Variants in DNAH11 observed in about 807,000 individuals in gnomAD.
DNAH11 encodes the protein dynein axonemal heavy chain 11.
In DNAH11, 442 loss-of-function variants were observed where a neutral mutation model predicts 526.0. The ratio of observed to expected loss-of-function variants is 0.84; its 90% CI spans 0.78 to 0.91. The LOEUF (loss-of-function observed/expected upper bound fraction) is 0.91, where lower values mean the gene tolerates loss of function less well. Ranked by LOEUF, DNAH11 falls within the 40% of genes least tolerant of loss-of-function variation. The pLI is 0.00. For missense variants in DNAH11, 6,989 were observed against 5,448.7 expected (o/e 1.28, Z -8.90); for synonymous variants, 2,461 against 1,935.9 (o/e 1.27, Z -7.12).
intron 65 of DNAH11, among the ~76,000 whole-genome samples, chr7:21,825,383 T>A (rs907330900): frequency 1.3e-5 from 2 of 152,236 alleles, no homozygotes; most frequent in African/African-American, 4.8e-5. Context: ...TTATGTTCTA[T>A]AGTGAGATAG....
chr7:21,716,729 C>A (rs570610836), intron 42 of DNAH11, among the ~76,000 whole-genome samples: 1 of 152,280 alleles, frequency 6.6e-6, no homozygotes, highest in South Asian at 2.1e-4. Flanking sequence ...CTGTCGCTAC[C>A]ACACAGGGAC....
At chr7:21,695,040 T>A (rs1233782684) in intron 35 of DNAH11, among the ~76,000 whole-genome samples, 1 of 152,134 alleles carries the variant, frequency 6.6e-6, no homozygotes, top group Non-Finnish European at 1.5e-5. Context: ...TTATAAGGGA[T>A]GTGAAGGACC....
At chr7:21,892,205 T>C (rs1440194567) in intron 76 of DNAH11, among the ~76,000 whole-genome samples, 1 of 152,086 alleles carries the variant, frequency 6.6e-6, no homozygotes, top group East Asian at 1.9e-4. Context: ...TGAGTCTTCT[T>C]AGGGATAGGA....
chr7:21,598,902 T>G (rs189092146), intron 14 of DNAH11, among the ~76,000 whole-genome samples: 1 of 152,290 alleles, frequency 6.6e-6, no homozygotes, highest in East Asian at 1.9e-4. Flanking sequence ...TCCATGTTCC[T>G]GCAAAGGACA....
At chr7:21,730,746 A>C (rs952276041) in intron 45 of DNAH11, among the ~76,000 whole-genome samples, 3 of 152,228 alleles carry the variant, frequency 2.0e-5, no homozygotes, top group Non-Finnish European at 2.9e-5. Flanking sequence ...AGGAGAAATA[A>C]GTTCAAGAGA....
chr7:21,558,274 T>A (rs761535550), intron 2 of DNAH11, among the ~76,000 whole-genome samples: 4 of 152,194 alleles, frequency 2.6e-5, no homozygotes, highest in African/African-American at 4.8e-5. Flanking sequence ...AAAAATACTT[T>A]TTCAGAGTTT....
chr7:21,855,155 C>A (rs1419739470), intron 68 of DNAH11, among the ~76,000 whole-genome samples: 3 of 151,722 alleles, frequency 2.0e-5, no homozygotes, highest in African/African-American at 4.8e-5. Context: ...CCTCAGCCTC[C>A]TGAGTAGCTG....
chr7:21,720,816 C>T lies in DNAH11; in HGVS notation c.7226C>T (p.Ala2409Val), dbSNP rs769281862. The T allele has an allele frequency of 1.0e-4, 165 of 1,612,660 alleles. No individual in the cohort carries two copies. The highest frequency in any genetic ancestry group is 1.4e-4 in the Non-Finnish European group (163 of 1,179,366). The change falls in exon 44 of 82, where the codon GCT becomes GTT. Residue 2409 changes from alanine (A) to valine (V), a missense_variant. Physicochemically the swap from Ala to Val is moderately conservative, Grantham distance 64. Coordinates refer to ENST00000409508, the MANE Select transcript of DNAH11 (RefSeq NM_001277115.2). The part of the protein sequence containing the change: ...KEVYEVYFVF[A>V]CIWAFGGTLL... ...GTTTATGAAGTCTATTTTGTATTTGCTTGTATCTGGGCTTTTGGAGGCACC... is the reference window on the plus strand; with the variant it reads ...GTTTATGAAGTCTATTTTGTATTTGTTTGTATCTGGGCTTTTGGAGGCACC...
chr7:21,615,929 C>G (rs2128452512), intron 21 of DNAH11, among the ~76,000 whole-genome samples: 1 of 152,214 alleles, frequency 6.6e-6, no homozygotes, highest in Non-Finnish European at 1.5e-5. Context: ...TCAATTTATT[C>G]AAAGTACACA....
At chr7:21,868,468 G>C (rs1230955580) in intron 72 of DNAH11, among the ~76,000 whole-genome samples, 1 of 145,646 alleles carries the variant, frequency 6.9e-6, no homozygotes, top group Non-Finnish European at 1.5e-5. Context: ...AAGGTGAGAG[G>C]CTTGTGCATT....
In DNAH11 at chr7:21,901,308, C is replaced by CCTCTGCTGGAGTGCAGTGAGG; in HGVS notation, c.*54_*55insCTCTGCTGGAGTGCAGTGAGG. 49 of 1,500,902 alleles carry CCTCTGCTGGAGTGCAGTGAGG rather than the reference C, an allele frequency of 3.3e-5. No individual in the cohort carries two copies. The highest frequency in any genetic ancestry group is 1.8e-4 in the Middle Eastern group (1 of 5,412). 93.0% of individuals were successfully genotyped at this position (1,500,902 alleles called of 1,614,324 possible). ...CTGGAGTGCAGTGAGGATTTTCTAG[C>CCTCTGCTGGAGTGCAGTGAGG]ATGTTGCTGCACTGTTCCCATGCAC... On this transcript the variant is annotated 3_prime_UTR_variant, in exon 82 of 82. Transcript: ENST00000409508.
rs763695891 is a variant in DNAH11 at position 21,899,982 on chromosome 7, A to C, written c.13165A>C (p.Ile4389Leu). The change falls in exon 81 of 82, where the codon ATC (isoleucine) becomes CTC (leucine). Residue 4389 changes from isoleucine (I) to leucine (L), a missense_variant and splice_region_variant. Physicochemically the swap from Ile to Leu is conservative, Grantham distance 5. Coordinates refer to ENST00000409508, the MANE Select transcript of DNAH11 (RefSeq NM_001277115.2). ...FFNPQSFLTA[I>L]MQTMARKNEW... is the part of the protein sequence containing the mutation. ...CAATTTTTGTTATATTTCCAAAGCAATCATGCAGACGATGGCTCGAAAAAA... is the reference window on the plus strand; with the variant it reads ...CAATTTTTGTTATATTTCCAAAGCACTCATGCAGACGATGGCTCGAAAAAA... 1 of 1,613,676 alleles carries C rather than the reference A, an allele frequency of 6.2e-7. No homozygotes were observed. The highest frequency in any genetic ancestry group is 1.3e-5 in the African/African-American group (1 of 74,906).
At position 21,717,763 on chromosome 7, in the gene DNAH11, G is replaced by A; in HGVS notation, c.6984-12G>A. On this transcript the variant is annotated splice_polypyrimidine_tract_variant and intron_variant, in intron 42 of 81. Transcript: ENST00000409508. ...TAGTGTTCAATAAAAGCTTTTCTGT[G>A]TTCCTTTTCAGGTATGTGGCCAGTT... The A allele has an allele frequency of 1.2e-6, 2 of 1,613,504 alleles. No homozygotes were observed. Among genetic ancestry groups the A allele is most frequent in the Non-Finnish European group, 1.7e-6 (2 of 1,179,674 alleles).
chr7:21,869,145 G>C (rs1471115579), intron 73 of DNAH11, among the ~76,000 whole-genome samples, 154 bp downstream of exon 73: 1 of 152,220 alleles, frequency 6.6e-6, no homozygotes, highest in African/African-American at 2.4e-5. Flanking sequence ...TGCCTGCAAA[G>C]ATGGTGAGGG....
chr7:21,743,492 T>G (rs1365749506), intron 49 of DNAH11, among the ~76,000 whole-genome samples: 1 of 152,210 alleles, frequency 6.6e-6, no homozygotes, highest in East Asian at 1.9e-4. Flanking sequence ...TGGCTGAAAT[T>G]TCTTTTGTGA....
intron 41 of DNAH11, among the ~76,000 whole-genome samples, chr7:21,711,193 G>A (rs1784453235): frequency 6.6e-6 from 1 of 152,160 alleles, no homozygotes. Context: ...TGAGATATCA[G>A]TCAAGCAACA....
intron 75 of DNAH11, among the ~76,000 whole-genome samples, chr7:21,884,028 G>A (rs1784031175): frequency 1.3e-5 from 2 of 150,968 alleles, no homozygotes; most frequent in Admixed American, 1.3e-4. Context: ...AGGCAACAAA[G>A]CCAGACCTCA....
rs375975851 is a variant in DNAH11 at position 21,894,673 on chromosome 7, C to T, written c.12801C>T (p.Asn4267=). The change falls in exon 78 of 82, where the codon AAC becomes AAT. Residue 4267 remains asparagine, a synonymous_variant. Coordinates refer to ENST00000409508, the MANE Select transcript of DNAH11 (RefSeq NM_001277115.2). ...DILEKLPEEF[N]MAEIMQKNSN... ...TGGAGAAACTTCCAGAAGAGTTCAA[C>T]ATGGCAGAGATAATGCAAAAAAATT... 6 of 1,613,980 alleles carry T rather than the reference C, an allele frequency of 3.7e-6. No individual in the cohort carries two copies. The East Asian group carries it at 6.7e-5, about 18-fold the overall frequency.
intron 45 of DNAH11, among the ~76,000 whole-genome samples, chr7:21,731,493 A>G (rs933318628): frequency 2.6e-5 from 4 of 152,230 alleles, no homozygotes; most frequent in African/African-American, 9.6e-5. Flanking sequence ...AGATACACCA[A>G]TATCAGCATA....
Sources: allele counts gnomAD v4.1 joint callset (sites outside exome capture counted in the v4.1 genomes callset), GRCh38; gene constraint gnomAD v4.1.1; transcripts MANE v1.5; gene names NCBI Gene and HGNC (gene_info 2026-07-23, HGNC 2026-07-21).